PRMT7: variants seen among roughly 807,000 people sequenced by gnomAD.
PRMT7 encodes the protein protein arginine N-methyltransferase 7.
PRMT7 carries 75 observed loss-of-function variants against 85.4 expected under a neutral mutation model. The ratio of observed to expected loss-of-function variants is 0.88; its 90% CI spans 0.73 to 1.06. The LOEUF is 1.06. Ranked by LOEUF, PRMT7 falls within the 50% of genes least tolerant of loss-of-function variation. The pLI is 0.00. For synonymous variants in PRMT7, 397 were observed against 359.5 expected (o/e 1.10, Z -1.18); for missense variants, 868 against 915.2 (o/e 0.95, Z 0.67).
chr16:68,359,548 C>T (rs114412239), downstream of PRMT7: 707 of 152,888 alleles, frequency 4.6e-3, 7 homozygotes, highest in African/African-American at 0.016. Flanking sequence ...GGCTGCGTGG[C>T]CCCCTCTTGG....
chr16:68,343,207 A>G (rs1826363), intron 9 of PRMT7, among the ~76,000 whole-genome samples: 92,697 of 151,568 alleles, frequency 0.61, 28,527 homozygotes, highest in East Asian at 0.79. Flanking sequence ...TCCGTCTCAA[A>G]AAAAAAAAAA....
chr16:68,335,062 G>T (rs1308706656), intron 6 of PRMT7, among the ~76,000 whole-genome samples: 2 of 152,158 alleles, frequency 1.3e-5, no homozygotes, highest in Non-Finnish European at 2.9e-5. Flanking sequence ...CTCTCAAAGT[G>T]CTGGAATTAC....
At chr16:68,319,690 A>C (rs925176721) in intron 3 of PRMT7, among the ~76,000 whole-genome samples, 14 of 114,222 alleles carry the variant, frequency 1.2e-4, no homozygotes, top group African/African-American at 4.9e-4. Context: ...ACATTAGCCC[A>C]GCCTTCTCAA....
rs75977482 is a variant in PRMT7 at position 68,318,216 on chromosome 16, T to G, written c.95+2142T>G. Among the ~76,000 whole-genome samples, 6 of 151,880 alleles carry G rather than the reference T, an allele frequency of 4.0e-5. No individual in the cohort carries two copies. In the East Asian group the frequency reaches 9.7e-4, roughly 24 times the overall value. ...TTTACTTTTTTTTCTTTTTTTTTTT[T>G]TGAGACAGAGTCTCGCTCTGTTTCC... is the stretch of plus-strand genomic sequence containing the variant. On this transcript the variant is annotated intron_variant, in intron 3 of 18. Transcript: ENST00000441236.
rs148412873 is a variant in PRMT7, at chr16:68,326,770, C to T, written c.282+1938C>T. Among the ~76,000 whole-genome samples, 849 of 152,206 alleles carry T rather than the reference C, an allele frequency of 5.6e-3. 8 individuals are homozygous for T. The highest frequency in any genetic ancestry group is 0.02 in the African/African-American group (832 of 41,504). ...GGAGAGGAGGACACAGAATGGATGT[C>T]GGGAGGTCATCTTCAGTGTCCACTC... On this transcript the variant is annotated intron_variant, in intron 5 of 18. Coordinates refer to ENST00000441236, the MANE Select transcript of PRMT7 (RefSeq NM_019023.5).
chr16:68,329,247 A>T, intron 6 of PRMT7, 73 bp downstream of exon 6: 3 of 1,146,714 alleles, frequency 2.6e-6, no homozygotes, highest in Non-Finnish European at 3.9e-6. Flanking sequence ...TATTCCAGTT[A>T]CCTGGAACAA....
downstream of PRMT7, chr16:68,358,639 T>C (rs766039102): frequency 2.0e-5 from 3 of 152,684 alleles, no homozygotes; most frequent in Admixed American, 6.5e-5. Flanking sequence ...AAGATTAATA[T>C]ACTTAAAACT....
At chr16:68,346,693 TG>T (rs2086449947) in intron 11 of PRMT7, among the ~76,000 whole-genome samples, 1 of 152,022 alleles carries the variant, frequency 6.6e-6, no homozygotes, top group Non-Finnish European at 1.5e-5. Context: ...GGACTCGGCT[TG>T]GGGATTACAG....
intron 3 of PRMT7, among the ~76,000 whole-genome samples, chr16:68,319,494 G>T (rs1408824825): frequency 1.3e-5 from 2 of 151,436 alleles, no homozygotes; most frequent in African/African-American, 4.9e-5. Flanking sequence ...AAGGTGGTGA[G>T]TGAGATGCCT....
rs765993215 is a variant in PRMT7 at position 68,329,211 on chromosome 16, G to T, written c.391+37G>T. The T allele has an allele frequency of 2.7e-6, 4 of 1,462,230 alleles. No homozygotes were observed. In the Admixed American group the frequency reaches 6.7e-5, roughly 25 times the overall value. 90.6% of individuals were successfully genotyped at this position (1,462,230 alleles called of 1,614,324 possible). ...ACACCCTGTGTTGAAAGCTTTGCTT[G>T]CTCTTGTGTGAGAGAGGAAAAGGGT... On this transcript the variant is annotated intron_variant, in intron 6 of 18. Coordinates refer to ENST00000441236, the MANE Select transcript of PRMT7 (RefSeq NM_019023.5).
chr16:68,311,893 CTG>C (rs1233907956), intron 1 of PRMT7, 147 bp from the exon 2 acceptor site: 3 of 152,288 alleles, frequency 2.0e-5, no homozygotes, highest in East Asian at 1.9e-4. Context: ...TTCATGTAGT[CTG>C]TAATTTGTAT....
chr16:68,312,295 T>G (rs1026110816), intron 2 of PRMT7, 119 bp downstream of exon 2: 8 of 150,722 alleles, frequency 5.3e-5, no homozygotes, highest in African/African-American at 2.0e-4. Context: ...CCATCTCTGC[T>G]CACTGCAACC....
At chr16:68,356,910 C>T in intron 18 of PRMT7, 113 bp downstream of exon 18, 6 of 1,365,626 alleles carry the variant, frequency 4.4e-6, no homozygotes, top group Non-Finnish European at 6.0e-6. Flanking sequence ...TTCTTCGGGC[C>T]AGATGATGAC....
chr16:68,352,466 G>T, intron 15 of PRMT7, 57 bp downstream of exon 15: 1 of 1,534,572 alleles, frequency 6.5e-7, no homozygotes, highest in East Asian at 2.3e-5. Flanking sequence ...GGGGAACCTT[G>T]TTTTCTTGCA....
At chr16:68,360,468 G>A (rs1296142805), downstream of PRMT7, 1 of 152,492 alleles carries the variant, frequency 6.6e-6, no homozygotes, top group East Asian at 1.9e-4. Context: ...TGCCTGAGCT[G>A]GGGAAGGGAC....
Position 68,357,296 on chromosome 16 carries a change from T to C in PRMT7, c.*72T>C. The C allele has an allele frequency of 6.9e-7, 1 of 1,456,434 alleles. No individual in the cohort carries two copies. Among genetic ancestry groups the C allele is most frequent in the East Asian group, 2.3e-5 (1 of 42,984 alleles). 90.2% of individuals were successfully genotyped at this position (1,456,434 alleles called of 1,614,324 possible). ...CTCATGGCTTTCTAGCGGGGAAGGC[T>C]GAAGGCCCTCCTCTCCTCTCTGGGA... On this transcript the variant is annotated 3_prime_UTR_variant, in exon 19 of 19. Coordinates refer to ENST00000441236, the MANE Select transcript of PRMT7 (RefSeq NM_019023.5).
At chr16:68,359,706 C>G (rs1394431691), downstream of PRMT7, 7 of 152,568 alleles carry the variant, frequency 4.6e-5, no homozygotes, top group Non-Finnish European at 1.0e-4. Context: ...GGCCAGGGCG[C>G]CACGAGGAGC....
rs2088885192 is a variant in PRMT7 at position 68,357,905 on chromosome 16, A to C, written c.*681A>C. On this transcript the variant is annotated 3_prime_UTR_variant, in exon 19 of 19. Coordinates refer to ENST00000441236, the MANE Select transcript of PRMT7 (RefSeq NM_019023.5). Reference sequence around the variant, plus strand: ...ATGCAGGCCCAGGAAAGTGGCTGTCAGGGGAGCTGGGAGGCAGCCCTGTTC... The same window carrying C: ...ATGCAGGCCCAGGAAAGTGGCTGTCCGGGGAGCTGGGAGGCAGCCCTGTTC... The C allele has an allele frequency of 6.6e-6, 1 of 152,292 alleles. No homozygotes were observed. Among genetic ancestry groups the C allele is most frequent in the Admixed American group, 6.5e-5 (1 of 15,288 alleles). The allele number at this position is 152,292 out of a possible 1,614,324, so 9.4% of individuals were successfully genotyped here. A position where few individuals can be genotyped will look rare whatever the true frequency, so the allele number is the denominator to read the frequency against.
intron 6 of PRMT7, among the ~76,000 whole-genome samples, chr16:68,335,934 G>C (rs571472209): frequency 6.6e-6 from 1 of 151,992 alleles, no homozygotes; most frequent in East Asian, 1.9e-4. Context: ...CCATCACCAC[G>C]CCTGGCTAAT....
Sources: allele counts gnomAD v4.1 joint callset (sites outside exome capture counted in the v4.1 genomes callset), GRCh38; gene constraint gnomAD v4.1.1; transcripts MANE v1.5; gene names NCBI Gene and HGNC (gene_info 2026-07-23, HGNC 2026-07-21).